Variants in SUPT20H observed in about 807,000 individuals in gnomAD.
SUPT20H encodes SPT20 homolog, SAGA complex component.
Under a neutral mutation model 122.8 loss-of-function variants are expected in SUPT20H, and 82 were observed. The ratio of observed to expected loss-of-function variants is 0.67; its 90% CI spans 0.56 to 0.80. The LOEUF (loss-of-function observed/expected upper bound fraction) is 0.80. Among genes scored for constraint, SUPT20H ranks in the 30% least tolerant of loss-of-function variants. The pLI is 0.00. For missense variants in SUPT20H, 831 were observed against 921.6 expected (o/e 0.90, Z 1.27); for synonymous variants, 291 against 313.0 (o/e 0.93, Z 0.74).
At chr13:37,021,323 A>G in intron 21 of SUPT20H, 125 bp downstream of exon 21, 3 of 1,019,298 alleles carry the variant, frequency 2.9e-6, no homozygotes, top group Non-Finnish European at 3.9e-6. Context: ...TAAGTGAAAT[A>G]TATGTGATAC....
In SUPT20H at chr13:37,022,597, T is replaced by TA. The variant is rs928202617; in HGVS notation, c.1592-518dup. 4 of 1,121,556 alleles carry TA rather than the reference T, an allele frequency of 3.6e-6. No individual in the cohort carries two copies. In the African/African-American group the frequency reaches 6.5e-5, roughly 18 times the overall value. The allele number at this position is 1,121,556 out of a possible 1,614,324, so 69.5% of individuals were successfully genotyped here. On this transcript the variant is annotated intron_variant, in intron 19 of 25. Transcript: ENST00000350612. The surrounding 1 kb of genome is among the most constrained non-coding windows in gnomAD (Gnocchi z 4.5). Reference sequence around the variant, plus strand: ...TCTACCACAATACCCATTTAAAAGTTAGTTTCCTACATGCTGCCTTTGGCC... The same window carrying TA: ...TCTACCACAATACCCATTTAAAAGTTAAGTTTCCTACATGCTGCCTTTGGCC...
intron 21 of SUPT20H, among the ~76,000 whole-genome samples, chr13:37,021,120 A>G (rs2061407098): frequency 2.0e-5 from 3 of 152,220 alleles, no homozygotes; most frequent in Non-Finnish European, 4.4e-5. Context: ...CCTCTTGTAC[A>G]CAATGTATAT....
chr13:37,012,152 G>A, intron 24 of SUPT20H, 40 bp downstream of exon 24: 1 of 1,467,904 alleles, frequency 6.8e-7, no homozygotes, highest in South Asian at 1.2e-5. Context: ...GATTAGATAT[G>A]TTTAGTAAAT....
Position 37,024,183 on chromosome 13 carries a change from A to G in SUPT20H, c.1443T>C (p.Phe481=), listed in dbSNP as rs1374267686. ...GAAAGCTGCTTGTCTGTTGTGGTGTAAAATAGTTACCTAGAAGAACATAAA... is the reference window on the plus strand; with the variant it reads ...GAAAGCTGCTTGTCTGTTGTGGTGTGAAATAGTTACCTAGAAGAACATAAA... The part of the protein sequence containing the change: ...SSGNSSSGNY[F]TPQQTSSFLK... Residue 481 remains phenylalanine, a synonymous_variant, in exon 19 of 26, where the codon TTT becomes TTC. Transcript: ENST00000350612. The G allele has an allele frequency of 1.9e-6, 3 of 1,611,386 alleles. No individual in the cohort carries two copies. The highest frequency in any genetic ancestry group is 2.5e-6 in the Non-Finnish European group (3 of 1,179,006).
chr13:37,020,971 C>T (rs1354291319), intron 21 of SUPT20H, among the ~76,000 whole-genome samples: 1 of 152,072 alleles, frequency 6.6e-6, no homozygotes, highest in Non-Finnish European at 1.5e-5. Context: ...GTTTTTATTG[C>T]TATTCCCATT....
intron 9 of SUPT20H, among the ~76,000 whole-genome samples, chr13:37,037,671 T>C (rs1056736459): frequency 6.6e-6 from 1 of 152,184 alleles, no homozygotes; most frequent in African/African-American, 2.4e-5. Flanking sequence ...AACAGTCCTA[T>C]CCTATACTCA....
intron 25 of SUPT20H, 129 bp from the exon 26 acceptor site, chr13:37,009,938 A>G (rs766763451): frequency 9.2e-6 from 12 of 1,304,410 alleles, no homozygotes; most frequent in African/African-American, 1.5e-5. Flanking sequence ...AAGGGACTAT[A>G]CCACATTGAG....
rs747584805 is a variant in SUPT20H, at chr13:37,047,862, A to G, written c.98+16T>C. The stretch of plus-strand genomic sequence containing the variant: ...ATTTCAATGAATCTAAGATGTTACC[A>G]ATTAATTATTCATACCTTCCACTTG... On this transcript the variant is annotated intron_variant, in intron 4 of 25. Coordinates refer to ENST00000350612, the MANE Select transcript of SUPT20H (RefSeq NM_001014286.3). The G allele has an allele frequency of 2.5e-6, 4 of 1,596,652 alleles. No individual in the cohort carries two copies. The highest frequency in any genetic ancestry group is 3.4e-6 in the Non-Finnish European group (4 of 1,170,648).
chr13:37,014,469 C>T (rs1593842282), intron 23 of SUPT20H, among the ~76,000 whole-genome samples: 1 of 152,194 alleles, frequency 6.6e-6, no homozygotes, highest in East Asian at 1.9e-4. Flanking sequence ...AGACAGATCA[C>T]GTTCTCAAGC....
chr13:37,022,224 G>A lies in SUPT20H; in HGVS notation c.1592-144C>T, dbSNP rs1244378237. ...TGAATCTTGGGGAGTAGGGGTGGCT[G>A]AAGGGGTACTAGGAGTTGAGCTCTG... On this transcript the variant is annotated intron_variant, in intron 19 of 25. Transcript: ENST00000350612. This position sits in a 1 kb window ranked among gnomAD's most constrained non-coding sequence, Gnocchi z 4.5. 19 of 1,573,518 alleles carry A rather than the reference G, an allele frequency of 1.2e-5. No individual in the cohort carries two copies. Among genetic ancestry groups the A allele is most frequent in the Admixed American group, 1.9e-5 (1 of 52,990 alleles).
intron 19 of SUPT20H, chr13:37,023,801 TAAGA>T (rs563845910): frequency 8.5e-6 from 3 of 351,576 alleles, no homozygotes; most frequent in Admixed American, 4.6e-5. Context: ...TGTAAGCCTA[TAAGA>T]AAGGTACACG....
chr13:37,036,654 T>C (rs2064483853), intron 9 of SUPT20H, among the ~76,000 whole-genome samples: 1 of 152,038 alleles, frequency 6.6e-6, no homozygotes, highest in Admixed American at 6.6e-5. Flanking sequence ...ACACTGAGTG[T>C]GCATGCCTCT....
At position 37,042,890 on chromosome 13, in the gene SUPT20H, G is replaced by T. The variant is rs147302339; in HGVS notation, c.396+1188C>A. Among the ~76,000 whole-genome samples the T allele has an allele frequency of 1.4e-3, 208 of 152,286 alleles. 1 individual carries two copies. Among genetic ancestry groups the T allele is most frequent in the African/African-American group, 4.8e-3 (200 of 41,564 alleles). ...ACAGGTTAAGAATCCTTTATCTGAA[G>T]TGCTTCAGACCAGAAGCATTTCAGA... On this transcript the variant is annotated intron_variant, in intron 7 of 25. Transcript: ENST00000350612.
intron 1 of SUPT20H, among the ~76,000 whole-genome samples, chr13:37,058,894 C>G (rs1321484630): frequency 6.6e-6 from 1 of 152,104 alleles, no homozygotes; most frequent in Non-Finnish European, 1.5e-5. Flanking sequence ...GGTGATCAAC[C>G]CAAGTACACT....
At chr13:37,030,239 G>A (rs572831520) in intron 12 of SUPT20H, among the ~76,000 whole-genome samples, 44 of 152,210 alleles carry the variant, frequency 2.9e-4, no homozygotes, top group Admixed American at 4.6e-4. Flanking sequence ...GTAACAGTGG[G>A]GACAAAACTG....
At chr13:37,014,681 T>C (rs1372531945) in intron 23 of SUPT20H, among the ~76,000 whole-genome samples, 2 of 152,146 alleles carry the variant, frequency 1.3e-5, no homozygotes, top group African/African-American at 4.8e-5. Flanking sequence ...TCAAAATTTG[T>C]GGAAAGTGGC....
At chr13:37,019,445 C>A in intron 21 of SUPT20H, 48 bp from the exon 22 acceptor site, 1 of 1,352,590 alleles carries the variant, frequency 7.4e-7, no homozygotes, top group Non-Finnish European at 1.0e-6. Context: ...GTTTATTACA[C>A]ATGAAAATAA....
At chr13:37,024,926 C>T in intron 17 of SUPT20H, 1 of 190,252 alleles carries the variant, frequency 5.3e-6, no homozygotes, top group Non-Finnish European at 1.1e-5. Context: ...AAACTGTACC[C>T]CCGCTCCTCA....
chr13:37,056,213 C>T (rs2068984384), intron 1 of SUPT20H, among the ~76,000 whole-genome samples: 1 of 152,188 alleles, frequency 6.6e-6, no homozygotes, highest in Non-Finnish European at 1.5e-5. Flanking sequence ...GTGGCGATTC[C>T]TCAAGGATCT....
Sources: allele counts gnomAD v4.1 joint callset (sites outside exome capture counted in the v4.1 genomes callset), GRCh38; gene constraint gnomAD v4.1.1; non-coding constraint Gnocchi (gnomAD v3.1); transcripts MANE v1.5; gene names NCBI Gene and HGNC (gene_info 2026-07-23, HGNC 2026-07-21).